ANAPC1: variants seen among roughly 807,000 people sequenced by gnomAD.
The protein encoded by ANAPC1 is anaphase-promoting complex subunit 1.
Under a neutral mutation model 208.0 loss-of-function variants are expected in ANAPC1, and 36 were observed. The ratio of observed to expected loss-of-function variants is 0.17; its 90% CI spans 0.13 to 0.23. The LOEUF is 0.23. Among genes scored for constraint, ANAPC1 ranks in the 10% least tolerant of loss-of-function variants. The probability of loss-of-function intolerance (pLI) is 1.00; values close to 1 mark genes in which losing one functional copy is unlikely to be tolerated. For missense variants in ANAPC1, 942 were observed against 2,011.6 expected, an observed-to-expected ratio of 0.47 and a Z score of 10.17; for synonymous variants, 378 against 695.2, an observed-to-expected ratio of 0.54 and a Z score of 7.18.
intron 10 of ANAPC1, among the ~76,000 whole-genome samples, chr2:111,858,916 G>A (rs1231637623): frequency 7.2e-5 from 11 of 152,058 alleles, no homozygotes; most frequent in Admixed American, 1.3e-4. Flanking sequence ...TTATGAGCTC[G>A]TTACACAGCT....
chr2:111,853,213 A>G (rs1276469857), intron 13 of ANAPC1, among the ~76,000 whole-genome samples: 1 of 152,066 alleles, frequency 6.6e-6, no homozygotes, highest in African/African-American at 2.4e-5. Context: ...TCCATCCTTT[A>G]ACTTACCCAT....
Position 111,877,240 on chromosome 2 carries a change from T to C in ANAPC1, c.375+1570A>G, listed in dbSNP as rs187916282. ...AACTTTCCCAAATTTTCCCCAAAAA[T>C]ATCTTTTTAGCTAGAAAACCAGGAC... On this transcript the variant is annotated intron_variant, in intron 3 of 47. Coordinates refer to ENST00000341068, the MANE Select transcript of ANAPC1 (RefSeq NM_022662.4). Among the ~76,000 whole-genome samples the C allele has an allele frequency of 2.0e-3, 196 of 98,622 alleles. 2 individuals carry two copies. The highest frequency in any genetic ancestry group is 5.3e-3 in the African/African-American group (182 of 34,424). The allele number at this position is 98,622 out of a possible 152,430, so 64.7% of individuals were successfully genotyped here.
intron 22 of ANAPC1, 150 bp downstream of exon 22, chr2:111,825,627 T>C (rs1360603187): frequency 1.4e-6 from 1 of 698,760 alleles, no homozygotes; most frequent in Non-Finnish European, 2.3e-6. Flanking sequence ...TGAAAATTAG[T>C]TGTGGACAAA....
chr2:111,847,394 G>C (rs186669606), intron 15 of ANAPC1, among the ~76,000 whole-genome samples, 196 bp from the exon 16 acceptor site: 1 of 152,154 alleles, frequency 6.6e-6, no homozygotes, highest in East Asian at 1.9e-4. Context: ...CAAAATGCTT[G>C]TTTTAATAAA....
chr2:111,793,005 A>C (rs1677971307), intron 37 of ANAPC1, among the ~76,000 whole-genome samples: 1 of 152,268 alleles, frequency 6.6e-6, no homozygotes, highest in African/African-American at 2.4e-5. Flanking sequence ...ATGAAATATA[A>C]GTTCAACAGA....
At chr2:111,878,786 A>G in intron 3 of ANAPC1, 24 bp downstream of exon 3, 1 of 1,587,984 alleles carries the variant, frequency 6.3e-7, no homozygotes, top group Non-Finnish European at 8.5e-7. Flanking sequence ...AGTGAATCAA[A>G]TGCTAAAATT....
At chr2:111,790,416 C>T (rs1677814811) in intron 38 of ANAPC1, among the ~76,000 whole-genome samples, 1 of 152,076 alleles carries the variant, frequency 6.6e-6, no homozygotes, top group South Asian at 2.1e-4. Context: ...GGTGCAAGTA[C>T]AGAAAAACAG....
At chr2:111,819,903 T>A (rs1282215285) in intron 26 of ANAPC1, among the ~76,000 whole-genome samples, 1 of 152,210 alleles carries the variant, frequency 6.6e-6, no homozygotes. Context: ...AACCGCAACA[T>A]TAATTTGGGA....
rs1206707907 is a variant in ANAPC1, at chr2:111,838,425, T to C, written c.2115+13A>G. On this transcript the variant is annotated intron_variant, in intron 18 of 47. Transcript: ENST00000341068. Reference sequence around the variant, plus strand: ...TAAATTAATTTATATTAGCAAGAAATAATAATGCTTACATCATCAGATCCA... The same window carrying C: ...TAAATTAATTTATATTAGCAAGAAACAATAATGCTTACATCATCAGATCCA... The C allele has an allele frequency of 1.3e-6, 2 of 1,583,624 alleles. No individual in the cohort carries two copies. Among genetic ancestry groups the C allele is most frequent in the Non-Finnish European group, 1.7e-6 (2 of 1,169,916 alleles).
chr2:111,851,270 T>A (rs1461701409), intron 13 of ANAPC1, among the ~76,000 whole-genome samples: 1 of 152,122 alleles, frequency 6.6e-6, no homozygotes, highest in East Asian at 1.9e-4. Flanking sequence ...GCCTGGTTAA[T>A]TTTGTATTTT....
chr2:111,882,318 C>T (rs1683345452), intron 1 of ANAPC1, among the ~76,000 whole-genome samples: 2 of 152,188 alleles, frequency 1.3e-5, no homozygotes. Context: ...CCCGTTGTTT[C>T]CGTGTATTGA....
At chr2:111,860,984 T>A (rs899750436) in intron 10 of ANAPC1, among the ~76,000 whole-genome samples, 86 of 152,340 alleles carry the variant, frequency 5.6e-4, no homozygotes, top group African/African-American at 1.9e-3. Flanking sequence ...ATTGTTCTGC[T>A]CTTTCCCAAA....
At chr2:111,785,548 C>T in intron 39 of ANAPC1, 71 bp from the exon 40 acceptor site, 1 of 1,157,610 alleles carries the variant, frequency 8.6e-7, no homozygotes, top group South Asian at 1.3e-5. Flanking sequence ...TCTGCCGTTG[C>T]CTATAAGCTA....
intron 2 of ANAPC1, among the ~76,000 whole-genome samples, chr2:111,879,493 A>G (rs181154635): frequency 6.6e-6 from 1 of 152,236 alleles, no homozygotes; most frequent in East Asian, 1.9e-4. Context: ...CCGAGATTTT[A>G]GTATCCCAAA....
At chr2:111,812,126 C>A (rs1451561673) in intron 28 of ANAPC1, among the ~76,000 whole-genome samples, 2 of 139,548 alleles carry the variant, frequency 1.4e-5, no homozygotes, top group African/African-American at 5.3e-5. Context: ...AAGTACAAGT[C>A]CCCTTTTCTT....
In ANAPC1 at chr2:111,768,315, A is replaced by C. The variant is rs1676541159; in HGVS notation, c.*976T>G. 1 of 152,124 alleles carries C rather than the reference A, an allele frequency of 6.6e-6. No homozygotes were observed. The highest frequency in any genetic ancestry group is 2.4e-5 in the African/African-American group (1 of 41,412). 9.4% of individuals were successfully genotyped at this position (152,124 alleles called of 1,614,324 possible). On this transcript the variant is annotated 3_prime_UTR_variant, in exon 48 of 48. Transcript: ENST00000341068. ...TAAATATGGATTGTCTTGTTTTTAA[A>C]TACAATTTCTAAAGAGCCCTCTGTA...
intron 25 of ANAPC1, 188 bp from the exon 26 acceptor site, chr2:111,821,641 C>G: frequency 1.8e-6 from 1 of 557,902 alleles, no homozygotes; most frequent in Non-Finnish European, 3.2e-6. Flanking sequence ...CTAAAAAGTA[C>G]TATATTGCTG....
chr2:111,863,373 C>G (rs1312011352), intron 9 of ANAPC1, among the ~76,000 whole-genome samples: 1 of 151,658 alleles, frequency 6.6e-6, no homozygotes, highest in Non-Finnish European at 1.5e-5. Context: ...AAAACTCAGC[C>G]AGGCATGGTG....
intron 46 of ANAPC1, among the ~76,000 whole-genome samples, chr2:111,775,040 C>T (rs1482441056): frequency 1.3e-5 from 2 of 152,204 alleles, no homozygotes; most frequent in East Asian, 3.9e-4. Flanking sequence ...GGCCAAGGCA[C>T]GTAGATCATG....
Sources: gnomAD v4.1 joint callset for allele counts (sites outside exome capture counted in the v4.1 genomes callset) on GRCh38, gnomAD v4.1.1 for gene constraint, MANE v1.5 for transcripts, NCBI Gene and HGNC (gene_info 2026-07-23, HGNC 2026-07-21) for gene names.